CSMD2: variants seen among roughly 807,000 people sequenced by gnomAD.
CSMD2 encodes the protein CUB and sushi domain-containing protein 2.
A neutral mutation model predicts 398.5 loss-of-function variants in CSMD2; 130 were observed. The ratio of observed to expected loss-of-function variants is 0.33; its 90% CI spans 0.28 to 0.38. The LOEUF is 0.38. CSMD2 is among the 10% of genes least tolerant of loss of function. The pLI is 1.00. For synonymous variants in CSMD2, 1,828 were observed against 1,908.5 expected (o/e 0.96, Z 1.10); for missense variants, 3,829 against 4,764.9 (o/e 0.80, Z 5.78).
At chr1:33,862,262 T>C (rs1639575437) in intron 5 of CSMD2, 1 of 150,882 alleles carries the variant, frequency 6.6e-6, no homozygotes, top group African/African-American at 2.4e-5. Flanking sequence ...ATCTGCTAGC[T>C]TCCCGATAGC....
intron 5 of CSMD2, among the ~76,000 whole-genome samples, chr1:33,910,624 G>A (rs1643400040): frequency 6.6e-6 from 1 of 152,134 alleles, no homozygotes; most frequent in South Asian, 2.1e-4. Context: ...GACTCAGGCT[G>A]GTCCACCAAG....
At chr1:33,652,183 T>TTC in intron 28 of CSMD2, 140 bp downstream of exon 28, 1 of 809,502 alleles carries the variant, frequency 1.2e-6, no homozygotes, top group Non-Finnish European at 2.0e-6. Context: ...AAATGCTAGT[T>TTC]TCTCTCTCTC....
In CSMD2 at chr1:33,731,039, C is replaced by G. The variant is rs111665858; in HGVS notation, c.2369-4354G>C. Among the ~76,000 whole-genome samples the G allele has an allele frequency of 3.3e-5, 5 of 152,118 alleles. 1 individual carries two copies. Among genetic ancestry groups the G allele is most frequent in the African/African-American group, 1.2e-4 (5 of 41,496 alleles). On this transcript the variant is annotated intron_variant, in intron 15 of 70. Transcript: ENST00000373381. ...GAAAATGTACAAGATGATGTTAGGC[C>G]AACTTCAAAAGGCTCCCACTAGCCA... is the stretch of plus-strand genomic sequence containing the variant.
chr1:33,919,758 G>A (rs1250801940), intron 4 of CSMD2, among the ~76,000 whole-genome samples: 3 of 152,306 alleles, frequency 2.0e-5, no homozygotes, highest in South Asian at 2.1e-4. Flanking sequence ...TGCTCAAGGC[G>A]CAGTGATAGC....
chr1:33,602,633 C>A (rs1640305781), intron 42 of CSMD2, 87 bp from the exon 43 acceptor site: 2 of 1,157,910 alleles, frequency 1.7e-6, no homozygotes, highest in South Asian at 1.8e-5. Flanking sequence ...TCCCAGCTCC[C>A]AGAACTAATC....
At chr1:33,845,880 C>G (rs141571380) in intron 6 of CSMD2, among the ~76,000 whole-genome samples, 432 of 152,370 alleles carry the variant, frequency 2.8e-3, no homozygotes, top group Middle Eastern at 6.8e-3. Context: ...CTGCCCTATG[C>G]TACCTTGAGG....
At chr1:33,975,978 C>T (rs1645948578) in intron 3 of CSMD2, among the ~76,000 whole-genome samples, 1 of 152,264 alleles carries the variant, frequency 6.6e-6, no homozygotes, top group South Asian at 2.1e-4. Flanking sequence ...TCCCTCCTGA[C>T]ATCCAAATGC....
At position 33,624,959 on chromosome 1, in the gene CSMD2, G is replaced by T; in HGVS notation, c.5500+92C>A. The stretch of plus-strand genomic sequence containing the variant: ...CGGTGGGAAGCGGCTGCTGTGTGTC[G>T]TGGGGCATCACTGGGGCTGACTGCC... On this transcript the variant is annotated intron_variant, in intron 34 of 70. Coordinates refer to ENST00000373381, the MANE Select transcript of CSMD2 (RefSeq NM_001281956.2). The surrounding 1 kb of genome is among the most constrained non-coding windows in gnomAD (Gnocchi z 4.7). 2 of 1,298,930 alleles carry T rather than the reference G, an allele frequency of 1.5e-6. No individual in the cohort carries two copies. The highest frequency in any genetic ancestry group is 1.5e-5 in the African/African-American group (1 of 68,834). The allele number at this position is 1,298,930 out of a possible 1,614,324, so 80.5% of individuals were successfully genotyped here. A position where few individuals can be genotyped will look rare whatever the true frequency, so the allele number is the denominator to read the frequency against.
intron 1 of CSMD2, among the ~76,000 whole-genome samples, chr1:34,156,015 G>A (rs1394338196): frequency 1.3e-5 from 2 of 152,204 alleles, no homozygotes. Context: ...CCTTTCTCCT[G>A]GCTGAGGATC....
At chr1:33,586,385 C>T in intron 46 of CSMD2, 119 bp downstream of exon 46, 2 of 644,114 alleles carry the variant, frequency 3.1e-6, no homozygotes, top group Admixed American at 4.5e-5. Context: ...TACCAAGTGA[C>T]CTTTCATGTT....
rs532479840 is a variant in CSMD2 at position 34,046,210 on chromosome 1, G to A, written c.405-13504C>T. Among the ~76,000 whole-genome samples the A allele has an allele frequency of 3.9e-5, 6 of 152,300 alleles. No individual in the cohort carries two copies. The East Asian group carries it at 1.2e-3, about 29-fold the overall frequency. On this transcript the variant is annotated intron_variant, in intron 2 of 70. Coordinates refer to ENST00000373381, the MANE Select transcript of CSMD2 (RefSeq NM_001281956.2). ...TGGAACAGGATATGCAGGTGGTAGT[G>A]TCCAATCTGAGTCCAAGGTTTGAGA...
At chr1:33,556,469 C>T (rs538905284) in intron 55 of CSMD2, among the ~76,000 whole-genome samples, 9 of 152,338 alleles carry the variant, frequency 5.9e-5, no homozygotes, top group African/African-American at 2.2e-4. Context: ...GCTGCATGGC[C>T]TTAACTGCAT....
At chr1:33,964,197 G>A (rs557386935) in intron 3 of CSMD2, among the ~76,000 whole-genome samples, 10 of 151,998 alleles carry the variant, frequency 6.6e-5, no homozygotes, top group East Asian at 5.8e-4. Context: ...AAGACTGTCC[G>A]GGTTCAAATC....
chr1:34,159,339 A>ACCCTC (rs764781447), intron 1 of CSMD2, among the ~76,000 whole-genome samples: 1 of 80,836 alleles, frequency 1.2e-5, no homozygotes, highest in Admixed American at 1.4e-4. Flanking sequence ...CCCCCCCCCC[A>ACCCTC]CCCAGGAGCT....
intron 1 of CSMD2, among the ~76,000 whole-genome samples, chr1:34,109,380 G>A (rs1660823397): frequency 6.6e-6 from 1 of 152,150 alleles, no homozygotes; most frequent in Admixed American, 6.5e-5. Flanking sequence ...TTAGTGATGG[G>A]GTCAGTATGG....
intron 56 of CSMD2, among the ~76,000 whole-genome samples, chr1:33,549,600 G>T (rs543584018): frequency 1.5e-4 from 23 of 152,290 alleles, no homozygotes; most frequent in East Asian, 7.7e-4. Context: ...GCAGTAAAAG[G>T]AACTTAACAG....
In CSMD2 at chr1:33,662,902, T is replaced by C. The variant is rs1332149281; in HGVS notation, c.4243A>G (p.Ile1415Val). The C allele has an allele frequency of 1.2e-6, 2 of 1,614,126 alleles. No homozygotes were observed. The highest frequency in any genetic ancestry group is 1.7e-6 in the Non-Finnish European group (2 of 1,180,028). ...DFFTSKQGFA[I>V]QFSVSTATSC... ...GGCACGCACAGACCTGAAAATTGAA[T>C]GGCAAAGCCCTGCTTGCTGGTGAAG... Residue 1415 changes from isoleucine (I) to valine (V), a missense_variant, in exon 26 of 71, where the codon ATT (isoleucine) becomes GTT (valine). Ile to Val is a conservative substitution (Grantham distance 29). This residue lies in a region of CSMD2 where 2,001 missense variants were observed against 2,567.1 expected (regional missense o/e 0.78). Coordinates refer to ENST00000373381, the MANE Select transcript of CSMD2 (RefSeq NM_001281956.2).
Position 34,165,005 on chromosome 1 carries a change from G to A in CSMD2, c.93C>T (p.Gly31=), listed in dbSNP as rs528265261. Residue 31 remains glycine (G), a synonymous_variant, in exon 1 of 71, where the codon GGC becomes GGT. Transcript: ENST00000373381. ...GCGGGCGGCCCCAGCGGCTCCCGGC[G>A]CCCGGCACAAGCGCCGAAATCCCGG... ...GETGISALVP[G]AGSRWGRPPP... is the part of the protein sequence containing the mutation. 1.7e-6 allele frequency: 2 copies of A among 1,207,996 alleles called. No individual in the cohort carries two copies. Among genetic ancestry groups the A allele is most frequent in the Non-Finnish European group, 2.1e-6 (2 of 973,022 alleles). 74.8% of individuals were successfully genotyped at this position (1,207,996 alleles called of 1,614,324 possible).
At chr1:34,062,394 A>G (rs755499733) in intron 2 of CSMD2, among the ~76,000 whole-genome samples, 13 of 152,252 alleles carry the variant, frequency 8.5e-5, no homozygotes, top group Non-Finnish European at 1.6e-4. Flanking sequence ...GCAAAAGAGT[A>G]GCTTATACCT....
Sources: allele counts gnomAD v4.1 joint callset (sites outside exome capture counted in the v4.1 genomes callset), GRCh38; gene constraint gnomAD v4.1.1; regional missense constraint gnomAD v4.1.1; non-coding constraint Gnocchi (gnomAD v3.1); transcripts MANE v1.5; gene names NCBI Gene and HGNC (gene_info 2026-07-23, HGNC 2026-07-21).